MTAP: variants seen among roughly 807,000 people sequenced by gnomAD.
The protein encoded by MTAP is S-methyl-5'-thioadenosine phosphorylase.
A neutral mutation model predicts 33.6 loss-of-function variants in MTAP; 33 were observed. The ratio of observed to expected loss-of-function variants is 0.98; its 90% CI spans 0.74 to 1.31. The LOEUF is 1.31. Ranked by LOEUF, MTAP falls within the 40% of genes most tolerant of loss-of-function variation. The probability of loss-of-function intolerance (pLI) is 0.00; values close to 1 mark genes in which losing one functional copy is unlikely to be tolerated. For synonymous variants in MTAP, 148 were observed against 125.7 expected (o/e 1.18, Z -1.19); for missense variants, 367 against 360.0 (o/e 1.02, Z -0.16).
At chr9:21,930,027 A>G in intron 1 of MTAP, 1 of 416,026 alleles carries the variant, frequency 2.4e-6, no homozygotes, top group African/African-American at 2.0e-5. Context: ...AAGTCCATTC[A>G]GTTTTGCCAG....
At chr9:21,901,194 T>C (rs778159350) in intron 1 of MTAP, among the ~76,000 whole-genome samples, 1 of 151,990 alleles carries the variant, frequency 6.6e-6, no homozygotes, top group Non-Finnish European at 1.5e-5. Context: ...AAAATACACA[T>C]TGACAAAAGA....
In MTAP at chr9:21,854,887, T is replaced by C; in HGVS notation, c.690+17T>C. On this transcript the variant is annotated intron_variant, in intron 6 of 7. Transcript: ENST00000644715. ...GAGGAAGCAGTAGGTGGAATTCTTT[T>C]CTAAGCACATATAGCATGGGTTTCT... The C allele has an allele frequency of 2.5e-6, 4 of 1,613,690 alleles. No homozygotes were observed. The South Asian group carries it at 3.3e-5, about 13-fold the overall frequency.
chr9:21,911,652 C>T lies in MTAP; in HGVS notation c.148-19356C>T, dbSNP rs574080261. Among the ~76,000 whole-genome samples the T allele has an allele frequency of 2.0e-4, 30 of 152,160 alleles. No individual in the cohort carries two copies. In the South Asian group the frequency reaches 3.7e-3, roughly 19 times the overall value. ...ACAGTGTGTAGAGGGAAATTTATAGCGCTGAATGCCCACAAGAGAAAGCAG... is the reference window on the plus strand; with the variant it reads ...ACAGTGTGTAGAGGGAAATTTATAGTGCTGAATGCCCACAAGAGAAAGCAG... On this transcript the variant is annotated intron_variant, in intron 1 of 1. Coordinates refer to the MTAP transcript ENST00000577563.
intron 4 of MTAP, among the ~76,000 whole-genome samples, chr9:21,834,161 A>G (rs1000025402): frequency 2.6e-5 from 4 of 152,230 alleles, no homozygotes; most frequent in Non-Finnish European, 4.4e-5. Context: ...GATAGTGACA[A>G]GTGCCAAGCA....
chr9:21,895,116 G>T (rs1818268158), intron 1 of MTAP, among the ~76,000 whole-genome samples: 1 of 152,162 alleles, frequency 6.6e-6, no homozygotes, highest in Non-Finnish European at 1.5e-5. Flanking sequence ...GCAATTTACA[G>T]ATTAAATGCC....
intron 1 of MTAP, chr9:21,892,544 G>C (rs1190020096): frequency 1.3e-5 from 2 of 152,188 alleles, no homozygotes; most frequent in Admixed American, 6.5e-5. Context: ...TAATGATAAA[G>C]GGTTTAATTC....
intron 1 of MTAP, among the ~76,000 whole-genome samples, chr9:21,814,882 CTCTG>C (rs1189921189): frequency 6.6e-6 from 1 of 152,120 alleles, no homozygotes; most frequent in Non-Finnish European, 1.5e-5. Context: ...TTTCAGTCTC[CTCTG>C]TCTGCATTCT....
At chr9:21,820,768 T>A (rs1271132068) in intron 4 of MTAP, among the ~76,000 whole-genome samples, 1 of 152,250 alleles carries the variant, frequency 6.6e-6, no homozygotes, top group Non-Finnish European at 1.5e-5. Flanking sequence ...CATGGAATGT[T>A]CTTCCATTTG....
chr9:21,858,417 G>A lies in MTAP; in HGVS notation c.691-886G>A, dbSNP rs541110339. 2.0e-5 allele frequency among the ~76,000 whole-genome samples: 3 copies of A among 152,290 alleles called. No homozygotes were observed. In the East Asian group the frequency reaches 5.8e-4, roughly 29 times the overall value. The stretch of plus-strand genomic sequence containing the variant: ...GGCTTATGGTTCTACAGGCTGTACG[G>A]GACGTGATGCTGGCATCTGCTCAGC... On this transcript the variant is annotated intron_variant, in intron 6 of 7. Coordinates refer to ENST00000644715, the MANE Select transcript of MTAP (RefSeq NM_002451.4).
chr9:21,901,037 A>T (rs1200933305), intron 1 of MTAP, among the ~76,000 whole-genome samples: 1 of 152,152 alleles, frequency 6.6e-6, no homozygotes, highest in African/African-American at 2.4e-5. Flanking sequence ...GTGAGAGGAG[A>T]GTTAGGATTG....
intron 1 of MTAP, among the ~76,000 whole-genome samples, chr9:21,804,635 T>A (rs1287026579): frequency 6.6e-6 from 1 of 152,178 alleles, no homozygotes; most frequent in East Asian, 1.9e-4. Context: ...TAAGGCAACA[T>A]TCTGTATAGA....
intron 4 of MTAP, among the ~76,000 whole-genome samples, chr9:21,832,371 G>A (rs929576934): frequency 6.6e-6 from 1 of 152,196 alleles, no homozygotes; most frequent in Non-Finnish European, 1.5e-5. Flanking sequence ...TGACTAGAAA[G>A]CGTTTTATGG....
intron 1 of MTAP, among the ~76,000 whole-genome samples, chr9:21,803,587 TGA>T (rs1241122921): frequency 6.6e-6 from 1 of 152,190 alleles, no homozygotes; most frequent in Non-Finnish European, 1.5e-5. Context: ...GCACGAGTTC[TGA>T]GAGTAGCAGC....
intron 1 of MTAP, among the ~76,000 whole-genome samples, chr9:21,880,882 AT>A (rs1054714079): frequency 6.6e-6 from 1 of 151,668 alleles, no homozygotes; most frequent in Non-Finnish European, 1.5e-5. Flanking sequence ...TCTCAATGGC[AT>A]TTTTTTTGCA....
intron 1 of MTAP, chr9:21,811,690 C>G (rs1824353328): frequency 3.0e-5 from 16 of 531,612 alleles, no homozygotes; most frequent in South Asian, 2.2e-4. Context: ...ACTGCTGGTA[C>G]TCAGACACCA....
chr9:21,809,367 C>T (rs571760592), intron 1 of MTAP, among the ~76,000 whole-genome samples: 2 of 152,192 alleles, frequency 1.3e-5, no homozygotes, highest in Admixed American at 1.3e-4. Flanking sequence ...GGGCCGGGCG[C>T]GGTGGCTCAT....
intron 1 of MTAP, among the ~76,000 whole-genome samples, chr9:21,916,316 A>T (rs1265164651): frequency 6.6e-6 from 1 of 152,142 alleles, no homozygotes; most frequent in Non-Finnish European, 1.5e-5. Context: ...CTTATAAGAA[A>T]TGAGACATTT....
intron 1 of MTAP, among the ~76,000 whole-genome samples, chr9:21,919,234 A>G (rs1009389929): frequency 2.0e-5 from 3 of 152,208 alleles, no homozygotes; most frequent in African/African-American, 2.4e-5. Context: ...ATATAAAAAT[A>G]TGAATTAACA....
intron 1 of MTAP, among the ~76,000 whole-genome samples, chr9:21,923,908 G>A (rs1421078027): frequency 6.6e-6 from 1 of 152,206 alleles, no homozygotes; most frequent in Non-Finnish European, 1.5e-5. Flanking sequence ...AAGGCTGCAG[G>A]TGCAAGAGAC....
Sources: allele counts gnomAD v4.1 joint callset (sites outside exome capture counted in the v4.1 genomes callset), GRCh38; gene constraint gnomAD v4.1.1; transcripts MANE v1.5; gene names NCBI Gene and HGNC (gene_info 2026-07-23, HGNC 2026-07-21).